NHLRC2: variants seen among roughly 807,000 people sequenced by gnomAD.
NHLRC2 encodes NHL repeat containing 2.
Under a neutral mutation model 68.1 loss-of-function variants are expected in NHLRC2, and 33 were observed. The observed-to-expected ratio is 0.48, with a 90% CI of 0.37 to 0.65. The LOEUF (loss-of-function observed/expected upper bound fraction) is 0.65. NHLRC2 is among the 30% of genes least tolerant of loss of function. The pLI is 0.00. For synonymous variants in NHLRC2, 311 were observed against 309.6 expected (o/e 1.00, Z -0.05); for missense variants, 761 against 853.8 (o/e 0.89, Z 1.35).
In NHLRC2 at chr10:113,913,714, T is replaced by C. The variant is rs1846349935; in HGVS notation, c.*5178T>C. On this transcript the variant is annotated 3_prime_UTR_variant, in exon 11 of 11. Coordinates refer to ENST00000369301, the MANE Select transcript of NHLRC2 (RefSeq NM_198514.4). The stretch of plus-strand genomic sequence containing the variant: ...CTGGAAATACAGTCTTCTGCTTTCT[T>C]GTTTCATAAATAACACTGGTATGCA... 1 of 152,200 alleles carries C rather than the reference T, an allele frequency of 6.6e-6. No individual in the cohort carries two copies. 9.4% of individuals were successfully genotyped at this position (152,200 alleles called of 1,614,324 possible). A position where few individuals can be genotyped will look rare whatever the true frequency, so the allele number is the denominator to read the frequency against.
At position 113,904,934 on chromosome 10, in the gene NHLRC2, G is replaced by C; in HGVS notation, c.1822G>C (p.Ala608Pro). The change falls in exon 10 of 11, where the codon GCG becomes CCG. Residue 608 changes from alanine to proline, a missense_variant. Physicochemically the swap from Ala to Pro is conservative, Grantham distance 27. Coordinates refer to ENST00000369301, the MANE Select transcript of NHLRC2 (RefSeq NM_198514.4). ...APSIRLSPVT[A>P]CAGQTLQFKL... ...AAGCATTAGGCTTTCCCCCGTGACTGCGTGTGCTGGCCAGACTCTTCAGTT... is the reference window on the plus strand; with the variant it reads ...AAGCATTAGGCTTTCCCCCGTGACTCCGTGTGCTGGCCAGACTCTTCAGTT... The C allele has an allele frequency of 6.2e-7, 1 of 1,603,480 alleles. No individual in the cohort carries two copies.
chr10:113,894,304 A>G (rs977963844), intron 5 of NHLRC2, among the ~76,000 whole-genome samples: 1 of 152,276 alleles, frequency 6.6e-6, no homozygotes, highest in Non-Finnish European at 1.5e-5. Context: ...ATATCTGTCT[A>G]TATTTCTCTC....
At chr10:113,886,075 A>G (rs553398295) in intron 5 of NHLRC2, among the ~76,000 whole-genome samples, 2 of 152,238 alleles carry the variant, frequency 1.3e-5, no homozygotes, top group East Asian at 1.9e-4. Flanking sequence ...AAAAATTAAT[A>G]GTGTTTCTAT....
intron 1 of NHLRC2, 137 bp downstream of exon 1, chr10:113,855,187 C>A: frequency 1.3e-6 from 1 of 773,646 alleles, no homozygotes; most frequent in South Asian, 1.7e-5. Flanking sequence ...CTAACTTGGG[C>A]CGCTGTTCGC....
chr10:113,903,450 C>A, intron 8 of NHLRC2, 77 bp from the exon 9 acceptor site: 1 of 855,002 alleles, frequency 1.2e-6, no homozygotes, highest in Non-Finnish European at 1.9e-6. Context: ...AATTAGCTTG[C>A]TTGATACCAT....
At chr10:113,907,900 TA>T (rs1211834697) in intron 10 of NHLRC2, among the ~76,000 whole-genome samples, 5 of 152,202 alleles carry the variant, frequency 3.3e-5, no homozygotes, top group Non-Finnish European at 7.4e-5. Flanking sequence ...ATCTCTTTGG[TA>T]AAAATGATCC....
rs1188708949 is a variant in NHLRC2 at position 113,913,311 on chromosome 10, C to T, written c.*4775C>T. The T allele has an allele frequency of 2.6e-5, 4 of 152,014 alleles. No individual in the cohort carries two copies. Among genetic ancestry groups the T allele is most frequent in the Admixed American group, 2.0e-4 (3 of 15,254 alleles). The allele number at this position is 152,014 out of a possible 1,614,324, so 9.4% of individuals were successfully genotyped here. On this transcript the variant is annotated 3_prime_UTR_variant, in exon 11 of 11. Coordinates refer to ENST00000369301, the MANE Select transcript of NHLRC2 (RefSeq NM_198514.4). ...TTTATAGTAACTTAATCCAAAGAAC[C>T]CCAAAAGTACTAGCAATGATTGTTT...
chr10:113,877,879 AT>A (rs1431244463), intron 3 of NHLRC2, among the ~76,000 whole-genome samples: 1 of 152,120 alleles, frequency 6.6e-6, no homozygotes, highest in African/African-American at 2.4e-5. Context: ...GCTACTTGGT[AT>A]TTTGATTTAT....
chr10:113,914,932 C>CT lies in NHLRC2; in HGVS notation c.*6397dup, dbSNP rs1173428935. The CT allele has an allele frequency of 2.2e-6, 1 of 455,468 alleles. No homozygotes were observed. The highest frequency in any genetic ancestry group is 4.4e-6 in the Non-Finnish European group (1 of 226,632). 28.2% of individuals were successfully genotyped at this position (455,468 alleles called of 1,614,324 possible). A position where few individuals can be genotyped will look rare whatever the true frequency, so the allele number is the denominator to read the frequency against. ...ACCCTGGCCCCTTTACATATGAGCT[C>CT]TGGAGGTTCGCCTGGCTGCCTCAGG... On this transcript the variant is annotated 3_prime_UTR_variant, in exon 11 of 11. Transcript: ENST00000369301.
intron 8 of NHLRC2, 71 bp downstream of exon 8, chr10:113,902,664 A>G: frequency 7.5e-7 from 1 of 1,338,444 alleles, no homozygotes; most frequent in Non-Finnish European, 1.1e-6. Flanking sequence ...AAGATCTGTG[A>G]GCCTCCTACA....
chr10:113,854,717 T>C lies in NHLRC2; in HGVS notation c.-156T>C, dbSNP rs1845723112. The C allele has an allele frequency of 1.6e-6, 1 of 620,294 alleles. No homozygotes were observed. Among genetic ancestry groups the C allele is most frequent in the South Asian group, 2.1e-5 (1 of 47,206 alleles). 38.4% of individuals were successfully genotyped at this position (620,294 alleles called of 1,614,324 possible). ...TTTGGACTTTTGGCACTTGGACCTA[T>C]GCTTTAAAAAGAAAAAAGTGTCATT... On this transcript the variant is annotated 5_prime_UTR_variant, in exon 1 of 11. An upstream start codon of the reference 5' UTR is lost. Transcript: ENST00000369301.
At position 113,915,008 on chromosome 10, in the gene NHLRC2, G is replaced by A. The variant is rs1465556988; in HGVS notation, c.*6472G>A. 2.2e-6 allele frequency: 1 copy of A among 456,172 alleles called. No homozygotes were observed. Among genetic ancestry groups the A allele is most frequent in the Non-Finnish European group, 4.4e-6 (1 of 226,978 alleles). The allele number at this position is 456,172 out of a possible 1,614,324, so 28.3% of individuals were successfully genotyped here. On this transcript the variant is annotated 3_prime_UTR_variant, in exon 11 of 11. Coordinates refer to ENST00000369301, the MANE Select transcript of NHLRC2 (RefSeq NM_198514.4). ...GAGCCTGGGTAAGGTGGAACAGGAGGCAGCCCCACTCGGCTTTTCTGATTG... is the reference window on the plus strand; with the variant it reads ...GAGCCTGGGTAAGGTGGAACAGGAGACAGCCCCACTCGGCTTTTCTGATTG...
At chr10:113,890,218 G>T in intron 5 of NHLRC2, among the ~76,000 whole-genome samples, 1 of 152,096 alleles carries the variant, frequency 6.6e-6, no homozygotes, top group African/African-American at 2.4e-5. Flanking sequence ...GATTTTTCTT[G>T]CCTTTATTCT....
At chr10:113,866,865 A>G (rs1472903940) in intron 2 of NHLRC2, among the ~76,000 whole-genome samples, 2 of 151,894 alleles carry the variant, frequency 1.3e-5, no homozygotes, top group Non-Finnish European at 1.5e-5. Flanking sequence ...GAATCAGGAA[A>G]GGGAAAAGAT....
rs138411282 is a variant in NHLRC2 at position 113,877,435 on chromosome 10, T to C, written c.787+459T>C. Among the ~76,000 whole-genome samples, 766 of 152,246 alleles carry C rather than the reference T, an allele frequency of 5.0e-3. 13 individuals carry two copies. Among genetic ancestry groups the C allele is most frequent in the African/African-American group, 0.018 (733 of 41,554 alleles). ...TATAAAATAAATAAGCTAGAATTTG[T>C]GCATAGTTTTACTTTTCTCTCCTTT... On this transcript the variant is annotated intron_variant, in intron 3 of 10. Transcript: ENST00000369301.
At chr10:113,898,727 T>C (rs77646153) in intron 6 of NHLRC2, among the ~76,000 whole-genome samples, 3,088 of 152,212 alleles carry the variant, frequency 0.02, 74 homozygotes, top group East Asian at 0.1. Flanking sequence ...CATAGCAGAG[T>C]GCTTAATAAC....
intron 7 of NHLRC2, among the ~76,000 whole-genome samples, chr10:113,902,213 T>C (rs550053092): frequency 6.6e-6 from 1 of 152,294 alleles, no homozygotes; most frequent in South Asian, 2.1e-4. Flanking sequence ...AGCACCAGAC[T>C]AGTGGACTTG....
chr10:113,899,677 T>TG (rs1442051314), intron 6 of NHLRC2, among the ~76,000 whole-genome samples: 3 of 152,192 alleles, frequency 2.0e-5, no homozygotes, highest in Admixed American at 6.5e-5. Flanking sequence ...CCCAGCACTT[T>TG]GGGGGGCCGA....
chr10:113,898,243 A>G, intron 6 of NHLRC2, 34 bp downstream of exon 6: 2 of 1,319,478 alleles, frequency 1.5e-6, no homozygotes, highest in Non-Finnish European at 2.2e-6. Flanking sequence ...AGTAGACTGT[A>G]CTACTTGGTG....
Sources: gnomAD v4.1 joint callset for allele counts (sites outside exome capture counted in the v4.1 genomes callset) on GRCh38, gnomAD v4.1.1 for gene constraint, MANE v1.5 for transcripts, NCBI Gene and HGNC (gene_info 2026-07-23, HGNC 2026-07-21) for gene names.